ZNF564: variants seen among roughly 807,000 people sequenced by gnomAD.
The protein encoded by ZNF564 is zinc finger protein 564.
ZNF564 carries 5 observed loss-of-function variants against 10.5 expected under a neutral mutation model. The ratio of observed to expected loss-of-function variants is 0.48; its 90% CI spans 0.25 to 1.00. The LOEUF is 1.00. ZNF564 is among the 50% of genes least tolerant of loss of function. ZNF564 has a pLI of 0.16. For synonymous variants in ZNF564, 242 were observed against 218.1 expected (o/e 1.11, Z -0.97); for missense variants, 603 against 669.7 (o/e 0.90, Z 1.10).
chr19:12,526,570 G>GT lies in ZNF564; in HGVS notation c.1537dup (p.Thr513AsnfsTer12). ...TTGAAAGGAACTGGAATAACTGAAC[G>GT]TTTTTCCACATTGCTTACATTCATA... On this transcript the variant is annotated frameshift_variant, in exon 4 of 4. Coordinates refer to ENST00000339282, the MANE Select transcript of ZNF564 (RefSeq NM_144976.4). LOFTEE classifies it low-confidence loss of function (END_TRUNC). The GT allele has an allele frequency of 1.2e-6, 2 of 1,614,066 alleles. No individual in the cohort carries two copies. The highest frequency in any genetic ancestry group is 1.7e-6 in the Non-Finnish European group (2 of 1,180,016).
At chr19:12,544,713 C>T (rs1055531139) in intron 1 of ZNF564, among the ~76,000 whole-genome samples, 1 of 152,172 alleles carries the variant, frequency 6.6e-6, no homozygotes, top group African/African-American at 2.4e-5. Context: ...TCTAAACTCA[C>T]CAACTAGAAC....
intron 1 of ZNF564, among the ~76,000 whole-genome samples, chr19:12,536,383 C>T (rs969383429): frequency 1.3e-5 from 2 of 152,082 alleles, no homozygotes; most frequent in African/African-American, 4.8e-5. Context: ...TGTCATGTTG[C>T]CCAGGCTGGT....
chr19:12,537,843 T>C (rs2021950902), intron 1 of ZNF564, among the ~76,000 whole-genome samples: 1 of 152,184 alleles, frequency 6.6e-6, no homozygotes, highest in Admixed American at 6.6e-5. Context: ...GCAGGTTCCA[T>C]TTGTATGCTA....
chr19:12,534,422 T>G (rs1331646959), intron 1 of ZNF564, among the ~76,000 whole-genome samples: 4 of 152,170 alleles, frequency 2.6e-5, no homozygotes, highest in Non-Finnish European at 5.9e-5. Flanking sequence ...GAACACCAAA[T>G]GATGGCAAAG....
Position 12,551,374 on chromosome 19 carries a change from T to C in ZNF564, c.-42A>G. ...TGTCCCGGGGTCCTGCCTACGGCTC[T>C]CTCCGGCCTGTGCAGGTCCCAGCGC... On this transcript the variant is annotated 5_prime_UTR_variant, in exon 1 of 4. Coordinates refer to ENST00000339282, the MANE Select transcript of ZNF564 (RefSeq NM_144976.4). The C allele has an allele frequency of 6.3e-7, 1 of 1,586,602 alleles. No individual in the cohort carries two copies.
chr19:12,544,301 C>G (rs146404602), intron 1 of ZNF564, among the ~76,000 whole-genome samples: 49 of 152,278 alleles, frequency 3.2e-4, no homozygotes, highest in Non-Finnish European at 4.7e-4. Flanking sequence ...GGGACAGAAA[C>G]GACGGACAGT....
At chr19:12,538,340 A>T (rs1837336850) in intron 1 of ZNF564, among the ~76,000 whole-genome samples, 1 of 151,618 alleles carries the variant, frequency 6.6e-6, no homozygotes, top group African/African-American at 2.4e-5. Context: ...AAAAAAAAAA[A>T]TTTGGCCAGG....
At chr19:12,537,545 C>A (rs2021941015) in intron 1 of ZNF564, among the ~76,000 whole-genome samples, 1 of 151,858 alleles carries the variant, frequency 6.6e-6, no homozygotes, top group Admixed American at 6.6e-5. Context: ...TCGAGACCAG[C>A]CTGACCAAAA....
intron 1 of ZNF564, among the ~76,000 whole-genome samples, chr19:12,531,438 G>A (rs533607314): frequency 1.1e-4 from 17 of 152,098 alleles, no homozygotes; most frequent in South Asian, 2.1e-4. Context: ...ATGTTGACGC[G>A]CACCTGTTAC....
intron 1 of ZNF564, among the ~76,000 whole-genome samples, chr19:12,550,069 G>A (rs536471614): frequency 6.6e-6 from 1 of 152,016 alleles, no homozygotes; most frequent in East Asian, 1.9e-4. Context: ...GAGGCAGGCG[G>A]ATCACCTGAG....
intron 1 of ZNF564, chr19:12,550,670 A>AC: frequency 6.3e-6 from 1 of 159,670 alleles, no homozygotes; most frequent in African/African-American, 2.4e-5. Flanking sequence ...GAAAAAAAAA[A>AC]CAACAAACAG....
rs572794431 is a variant in ZNF564 at position 12,548,088 on chromosome 19, A to T, written c.3+3242T>A. On this transcript the variant is annotated intron_variant, in intron 1 of 3. Transcript: ENST00000339282. ...CTCCCAAAGGGCTGGGATTACAGGC[A>T]TGAGCCACCACGCCCAGTTTCACTT... 4.6e-5 allele frequency: 40 copies of T among 861,276 alleles called. No individual in the cohort carries two copies. In the African/African-American group the frequency reaches 8.9e-4, roughly 19 times the overall value. 53.4% of individuals were successfully genotyped at this position (861,276 alleles called of 1,614,324 possible).
At chr19:12,540,873 C>G (rs1414000178) in intron 1 of ZNF564, among the ~76,000 whole-genome samples, 1 of 150,054 alleles carries the variant, frequency 6.7e-6, no homozygotes, top group Non-Finnish European at 1.5e-5. Context: ...TCAGCCAGGT[C>G]TGGTGGCAGG....
chr19:12,542,491 C>T (rs1244396618), intron 1 of ZNF564, among the ~76,000 whole-genome samples: 1 of 151,366 alleles, frequency 6.6e-6, no homozygotes, highest in Non-Finnish European at 1.5e-5. Flanking sequence ...CATGATAGCA[C>T]GTGTCTGTAG....
intron 1 of ZNF564, among the ~76,000 whole-genome samples, chr19:12,548,465 T>C (rs1265000773): frequency 6.6e-6 from 1 of 152,130 alleles, no homozygotes; most frequent in African/African-American, 2.4e-5. Context: ...TCCGCACACC[T>C]TGGCCTCCCA....
intron 1 of ZNF564, among the ~76,000 whole-genome samples, chr19:12,531,217 C>A (rs2145068757): frequency 6.6e-6 from 1 of 152,240 alleles, no homozygotes; most frequent in Admixed American, 6.5e-5. Context: ...TTCTGAAGAA[C>A]AACATGATAG....
At chr19:12,539,921 C>T (rs1178098749) in intron 1 of ZNF564, among the ~76,000 whole-genome samples, 1 of 150,178 alleles carries the variant, frequency 6.7e-6, no homozygotes, top group African/African-American at 2.5e-5. Flanking sequence ...GCGGAGCTTG[C>T]AGTGAGCCGA....
chr19:12,544,412 T>C (rs906960424), intron 1 of ZNF564, among the ~76,000 whole-genome samples: 6 of 152,188 alleles, frequency 3.9e-5, no homozygotes. Flanking sequence ...CTTAAAATTG[T>C]ATGCTACCTC....
chr19:12,528,744 T>C, intron 1 of ZNF564, 48 bp from the exon 2 acceptor site: 3 of 1,573,276 alleles, frequency 1.9e-6, no homozygotes, highest in Non-Finnish European at 2.6e-6. Context: ...GAGATGACAG[T>C]ACAGGGATGT....
Sources: gnomAD v4.1 joint callset for allele counts (sites outside exome capture counted in the v4.1 genomes callset) on GRCh38, gnomAD v4.1.1 for gene constraint, MANE v1.5 for transcripts, NCBI Gene and HGNC (gene_info 2026-07-23, HGNC 2026-07-21) for gene names.